The following SORCS1 variants were observed in gnomAD, a reference collection of about 807,000 sequenced individuals.
SORCS1 encodes the protein sortilin related VPS10 domain containing receptor 1.
A neutral mutation model predicts 146.1 loss-of-function variants in SORCS1; 60 were observed. The ratio of observed to expected loss-of-function variants is 0.41; its 90% CI spans 0.33 to 0.51. The LOEUF is 0.51. Ranked by LOEUF, SORCS1 falls within the 20% of genes least tolerant of loss-of-function variation. The pLI is 0.21. For synonymous variants in SORCS1, 637 were observed against 584.0 expected (o/e 1.09, Z -1.31); for missense variants, 1,352 against 1,487.6 (o/e 0.91, Z 1.50).
At chr10:107,067,485 T>A (rs186793897) in intron 1 of SORCS1, among the ~76,000 whole-genome samples, 19 of 152,184 alleles carry the variant, frequency 1.2e-4, no homozygotes, top group Admixed American at 6.5e-4. Context: ...CTCCAAAACA[T>A]CCCGGTGTAA....
intron 1 of SORCS1, among the ~76,000 whole-genome samples, chr10:107,012,503 C>G (rs1589926619): frequency 1.3e-5 from 2 of 152,172 alleles, no homozygotes; most frequent in African/African-American, 4.8e-5. Context: ...TATATATTAA[C>G]TTTTATTTTC....
rs566249879 is a variant in SORCS1 at position 106,850,129 on chromosome 10, C to G, written c.627-20456G>C. Among the ~76,000 whole-genome samples the G allele has an allele frequency of 7.7e-4, 116 of 151,566 alleles. 1 individual carries two copies. Among genetic ancestry groups the G allele is most frequent in the Admixed American group, 9.2e-4 (14 of 15,234 alleles). On this transcript the variant is annotated intron_variant, in intron 2 of 25. Coordinates refer to ENST00000263054, the MANE Select transcript of SORCS1 (RefSeq NM_052918.5). ...TGGGCTCCACCCAGTTCGAGCTTCCCGGCTGCTTTGTTTACCTAAGCAAGC... is the reference window on the plus strand; with the variant it reads ...TGGGCTCCACCCAGTTCGAGCTTCCGGGCTGCTTTGTTTACCTAAGCAAGC...
chr10:106,755,334 T>C (rs1011273494), intron 5 of SORCS1, among the ~76,000 whole-genome samples: 3 of 152,232 alleles, frequency 2.0e-5, no homozygotes, highest in African/African-American at 7.2e-5. Context: ...TGTTACAAAT[T>C]ATGTGTTATG....
At chr10:106,843,748 T>C (rs1053260416) in intron 2 of SORCS1, among the ~76,000 whole-genome samples, 2 of 152,226 alleles carry the variant, frequency 1.3e-5, no homozygotes, top group African/African-American at 4.8e-5. Context: ...ATTTCCTTTT[T>C]CTAAGGTTGA....
chr10:106,821,886 C>T (rs1948049316), intron 3 of SORCS1, among the ~76,000 whole-genome samples: 1 of 151,280 alleles, frequency 6.6e-6, no homozygotes, highest in African/African-American at 2.4e-5. Flanking sequence ...CGTGCCACTG[C>T]ACTCCAGCCT....
chr10:106,775,272 T>C (rs1860344127), intron 4 of SORCS1, among the ~76,000 whole-genome samples: 1 of 152,170 alleles, frequency 6.6e-6, no homozygotes, highest in African/African-American at 2.4e-5. Flanking sequence ...AGGCTTCGCC[T>C]CTGTTAATTG....
intron 3 of SORCS1, among the ~76,000 whole-genome samples, chr10:106,795,287 T>G (rs1321014608): frequency 2.0e-5 from 3 of 152,220 alleles, no homozygotes; most frequent in South Asian, 2.1e-4. Flanking sequence ...AGTTGTTTTT[T>G]TTTGTTTGTT....
intron 1 of SORCS1, among the ~76,000 whole-genome samples, chr10:107,019,788 CCATTGGGG>C (rs1290858585): frequency 6.6e-6 from 1 of 152,198 alleles, no homozygotes; most frequent in Non-Finnish European, 1.5e-5. Flanking sequence ...TGTACTGAGC[CCATTGGGG>C]CATGACTATC....
At chr10:107,124,571 C>T (rs915693179) in intron 1 of SORCS1, among the ~76,000 whole-genome samples, 1 of 152,068 alleles carries the variant, frequency 6.6e-6, no homozygotes, top group Non-Finnish European at 1.5e-5. Context: ...GGCATCAATT[C>T]TTCCCTGCAA....
intron 17 of SORCS1, among the ~76,000 whole-genome samples, chr10:106,663,610 T>C (rs542733315): frequency 6.6e-6 from 1 of 152,306 alleles, no homozygotes; most frequent in Non-Finnish European, 1.5e-5. Flanking sequence ...CCAAATGACA[T>C]CTGTGGTGAG....
intron 5 of SORCS1, among the ~76,000 whole-genome samples, chr10:106,747,552 G>T (rs1041058565): frequency 1.2e-4 from 18 of 151,974 alleles, no homozygotes; most frequent in African/African-American, 3.9e-4. Context: ...CCTTTCTTTT[G>T]TGCTCAGTCA....
chr10:106,609,471 G>A (rs540562091), intron 22 of SORCS1, among the ~76,000 whole-genome samples: 9 of 152,310 alleles, frequency 5.9e-5, no homozygotes, highest in African/African-American at 1.9e-4. Context: ...CTCTCATAGG[G>A]TTTATTAGTG....
rs988632583 is a variant in SORCS1 at position 107,031,209 on chromosome 10, A to G, written c.559-74629T>C. The stretch of plus-strand genomic sequence containing the variant: ...TCTCCTTTTTTCTAACCCCTGGACC[A>G]TGAGAATTATTACATGTGTCAATAG... On this transcript the variant is annotated intron_variant, in intron 1 of 25. Transcript: ENST00000263054. Among the ~76,000 whole-genome samples, 7 of 152,340 alleles carry G rather than the reference A, an allele frequency of 4.6e-5. No homozygotes were observed. The South Asian group carries it at 8.3e-4, about 18-fold the overall frequency.
intron 2 of SORCS1, among the ~76,000 whole-genome samples, chr10:106,850,612 G>A (rs1263283447): frequency 6.6e-6 from 1 of 152,098 alleles, no homozygotes; most frequent in East Asian, 1.9e-4. Flanking sequence ...GCTCCTCCCT[G>A]ATGCCTTTCC....
At chr10:106,752,535 A>C (rs1858335940) in intron 5 of SORCS1, among the ~76,000 whole-genome samples, 1 of 152,238 alleles carries the variant, frequency 6.6e-6, no homozygotes, top group Admixed American at 6.5e-5. Context: ...GGAATTTAGC[A>C]TACAGAATTA....
intron 1 of SORCS1, among the ~76,000 whole-genome samples, chr10:107,074,249 A>T (rs551671610): frequency 1.3e-5 from 2 of 152,038 alleles, no homozygotes; most frequent in Non-Finnish European, 2.9e-5. Flanking sequence ...CTGTCTCCAT[A>T]GTTTGGTCTT....
intron 1 of SORCS1, among the ~76,000 whole-genome samples, chr10:107,163,310 C>A (rs777062018): frequency 2.0e-5 from 3 of 152,178 alleles, no homozygotes; most frequent in African/African-American, 4.8e-5. Context: ...AGAGAACAAC[C>A]GCTCATTCAC....
intron 5 of SORCS1, among the ~76,000 whole-genome samples, chr10:106,754,843 G>C (rs1489812895): frequency 1.3e-5 from 2 of 152,172 alleles, no homozygotes; most frequent in East Asian, 3.8e-4. Context: ...GATTTTCCAT[G>C]TGTGAATTAG....
chr10:106,667,522 G>T (rs1190571196), intron 17 of SORCS1, among the ~76,000 whole-genome samples, 167 bp downstream of exon 17: 1 of 152,168 alleles, frequency 6.6e-6, no homozygotes, highest in Non-Finnish European at 1.5e-5. Flanking sequence ...CATGAAACTT[G>T]CACTATTAGT....
Sources: allele counts gnomAD v4.1 joint callset (sites outside exome capture counted in the v4.1 genomes callset), GRCh38; gene constraint gnomAD v4.1.1; transcripts MANE v1.5; gene names NCBI Gene and HGNC (gene_info 2026-07-23, HGNC 2026-07-21).